The following NFATC3 variants were observed in gnomAD, a reference collection of about 807,000 sequenced individuals.
NFATC3 encodes nuclear factor of activated T cells 3.
In NFATC3, 46 loss-of-function variants were observed where a neutral mutation model predicts 98.6. The ratio of observed to expected loss-of-function variants is 0.47; its 90% CI spans 0.37 to 0.60. NFATC3 has a LOEUF of 0.60. NFATC3 is among the 20% of genes least tolerant of loss of function. The probability of loss-of-function intolerance (pLI) is 0.00; values close to 1 mark genes in which losing one functional copy is unlikely to be tolerated. For missense variants in NFATC3, 1,256 were observed against 1,295.5 expected, an observed-to-expected ratio of 0.97 and a Z score of 0.47; for synonymous variants, 512 against 472.2, an observed-to-expected ratio of 1.08 and a Z score of -1.09.
At chr16:68,130,092 T>C (rs1288955544) in intron 3 of NFATC3, among the ~76,000 whole-genome samples, 1 of 152,244 alleles carries the variant, frequency 6.6e-6, no homozygotes. Flanking sequence ...TTGGCCGTTA[T>C]GAATAATGCT....
Position 68,174,502 on chromosome 16 carries a change from GA to G in NFATC3, c.1908del (p.Gly637AspfsTer10), listed in dbSNP as rs34054269. 3 of 1,598,760 alleles carry G rather than the reference GA, an allele frequency of 1.9e-6. No individual in the cohort carries two copies. The highest frequency in any genetic ancestry group is 1.1e-5 in the South Asian group (1 of 87,118). On this transcript the variant is annotated frameshift_variant, in exon 6 of 10. Transcript: ENST00000346183. LOFTEE classifies it high-confidence loss of function. ...TCCAGAATCCAAAATCATTTTTCTT[GA>G]AAAAGGACAAGGTAAGTAATATATG... ...FLPESKIIFL[E>X]KGQDGRPQWE...
chr16:68,166,108 T>C (rs893516488), intron 4 of NFATC3, among the ~76,000 whole-genome samples: 5 of 152,248 alleles, frequency 3.3e-5, no homozygotes, highest in Non-Finnish European at 7.3e-5. Context: ...AAATATGCTG[T>C]TGATAAATTA....
chr16:68,204,102 C>T (rs528569708), intron 9 of NFATC3, among the ~76,000 whole-genome samples: 2 of 152,046 alleles, frequency 1.3e-5, no homozygotes, highest in South Asian at 2.1e-4. Context: ...GCAGGAGAAT[C>T]GTTTGAACCT....
At chr16:68,194,780 G>A (rs575999702) in intron 9 of NFATC3, among the ~76,000 whole-genome samples, 1 of 152,102 alleles carries the variant, frequency 6.6e-6, no homozygotes, top group African/African-American at 2.4e-5. Context: ...GAGAGATTTG[G>A]GGGTAGAGGG....
chr16:68,164,699 G>GA (rs1181114537), intron 4 of NFATC3, among the ~76,000 whole-genome samples: 1 of 151,976 alleles, frequency 6.6e-6, no homozygotes, highest in Admixed American at 6.6e-5. Context: ...CCAGCATGGT[G>GA]AAACCCCGTC....
chr16:68,201,727 G>T (rs1357558068), intron 9 of NFATC3, among the ~76,000 whole-genome samples: 2 of 150,656 alleles, frequency 1.3e-5, no homozygotes, highest in East Asian at 4.0e-4. Context: ...TAGGTGGGTG[G>T]ATCACCTGAG....
At chr16:68,138,404 C>A (rs2037560934) in intron 3 of NFATC3, 1 of 791,522 alleles carries the variant, frequency 1.3e-6, no homozygotes, top group Non-Finnish European at 1.7e-6. Context: ...TTGGATTAAT[C>A]ATGGTAGCCT....
At chr16:68,177,891 T>C (rs746540037) in intron 6 of NFATC3, among the ~76,000 whole-genome samples, 3 of 152,316 alleles carry the variant, frequency 2.0e-5, no homozygotes, top group Admixed American at 6.5e-5. Flanking sequence ...TGCTACTCTT[T>C]AATCTTTTGT....
intron 3 of NFATC3, among the ~76,000 whole-genome samples, chr16:68,128,456 T>G (rs781005633): frequency 6.6e-6 from 1 of 152,176 alleles, no homozygotes; most frequent in Non-Finnish European, 1.5e-5. Flanking sequence ...TTGCTTAGTT[T>G]TCTATATCTT....
chr16:68,136,658 G>A (rs896621212), intron 3 of NFATC3, among the ~76,000 whole-genome samples: 1 of 152,106 alleles, frequency 6.6e-6, no homozygotes, highest in Non-Finnish European at 1.5e-5. Flanking sequence ...GATATGTTCC[G>A]AGAAATGCAT....
chr16:68,151,929 C>T (rs2038345514), intron 3 of NFATC3, among the ~76,000 whole-genome samples: 1 of 151,732 alleles, frequency 6.6e-6, no homozygotes, highest in Admixed American at 6.6e-5. Flanking sequence ...GTTAGCTGGG[C>T]GTGGTGGCAG....
intron 6 of NFATC3, among the ~76,000 whole-genome samples, chr16:68,175,547 G>A (rs1184397351): frequency 6.6e-6 from 1 of 151,872 alleles, no homozygotes; most frequent in Non-Finnish European, 1.5e-5. Context: ...TTTTAAAAAT[G>A]TTTAAAACTT....
intron 6 of NFATC3, among the ~76,000 whole-genome samples, chr16:68,179,766 A>AT (rs1251697640): frequency 1.1e-4 from 16 of 152,222 alleles, no homozygotes; most frequent in Admixed American, 1.0e-3. Context: ...CCTAGGAAAC[A>AT]TTTTTTAGGA....
chr16:68,085,736 G>T lies in NFATC3; in HGVS notation c.55G>T (p.Gly19Cys). The T allele has an allele frequency of 2.6e-6, 4 of 1,509,502 alleles. No individual in the cohort carries two copies. The highest frequency in any genetic ancestry group is 1.5e-5 in the African/African-American group (1 of 68,856). The allele number at this position is 1,509,502 out of a possible 1,614,324, so 93.5% of individuals were successfully genotyped here. A position where few individuals can be genotyped will look rare whatever the true frequency, so the allele number is the denominator to read the frequency against. The change falls in exon 1 of 10, where the codon GGC becomes TGC. Residue 19 changes from glycine to cysteine, a missense_variant. Physicochemically the swap from Gly to Cys is radical, Grantham distance 159 (BLOSUM62 -3). Coordinates refer to ENST00000346183, the MANE Select transcript of NFATC3 (RefSeq NM_173165.3). ...HDELDFKLVF[G>C]EDGAPAPPPP... Reference sequence around the variant, plus strand: ...CGAGCTCGACTTCAAACTCGTCTTTGGCGAGGACGGGGCGCCGGCGCCGCC... The same window carrying T: ...CGAGCTCGACTTCAAACTCGTCTTTTGCGAGGACGGGGCGCCGGCGCCGCC...
intron 8 of NFATC3, among the ~76,000 whole-genome samples, chr16:68,190,453 A>G (rs2040387250): frequency 6.6e-6 from 1 of 152,270 alleles, no homozygotes; most frequent in African/African-American, 2.4e-5. Context: ...ATAAAAAAGT[A>G]TATAGTAAAA....
Position 68,112,730 on chromosome 16 carries a change from C to G in NFATC3, c.104-9257C>G, listed in dbSNP as rs1378063081. ...GCGGACTGCAGTGGCGCAATCTCGG[C>G]TCACTGCAAGCTCCGCTTCCTGGGT... is the stretch of plus-strand genomic sequence containing the variant. On this transcript the variant is annotated intron_variant, in intron 1 of 9. Transcript: ENST00000346183. Among the ~76,000 whole-genome samples, 6 of 145,038 alleles carry G rather than the reference C, an allele frequency of 4.1e-5. No individual in the cohort carries two copies. In the Admixed American group the frequency reaches 4.2e-4, roughly 10 times the overall value.
chr16:68,186,206 A>G (rs1410879602), intron 8 of NFATC3, among the ~76,000 whole-genome samples: 1 of 151,772 alleles, frequency 6.6e-6, no homozygotes, highest in Non-Finnish European at 1.5e-5. Flanking sequence ...AAGTCAGTAC[A>G]TTACTGTAAT....
intron 1 of NFATC3, among the ~76,000 whole-genome samples, chr16:68,088,454 G>A (rs1482644009): frequency 7.1e-6 from 1 of 140,180 alleles, no homozygotes; most frequent in Non-Finnish European, 1.5e-5. Flanking sequence ...TATATAAAAT[G>A]CATATAATTA....
intron 1 of NFATC3, chr16:68,086,608 CATT>C: frequency 1.0e-6 from 1 of 982,132 alleles, no homozygotes; most frequent in Non-Finnish European, 1.2e-6. Flanking sequence ...TACTGTGGTT[CATT>C]AAGTTCAGTT....
Sources: allele counts gnomAD v4.1 joint callset (sites outside exome capture counted in the v4.1 genomes callset), GRCh38; gene constraint gnomAD v4.1.1; transcripts MANE v1.5; gene names NCBI Gene and HGNC (gene_info 2026-07-23, HGNC 2026-07-21).